Variants in FHL5 observed in about 807,000 individuals in gnomAD.
FHL5 encodes the protein four and a half LIM domains 5.
FHL5 carries 33 observed loss-of-function variants against 32.0 expected under a neutral mutation model. The observed-to-expected ratio is 1.03, with a 90% CI of 0.78 to 1.38. FHL5 has a LOEUF of 1.38. FHL5 is among the 40% of genes most tolerant of loss of function. The probability of loss-of-function intolerance (pLI) is 0.00; values close to 1 mark genes in which losing one functional copy is unlikely to be tolerated. For synonymous variants in FHL5, 114 were observed against 113.6 expected, an observed-to-expected ratio of 1.00 and a Z score of -0.02; for missense variants, 336 against 343.9, an observed-to-expected ratio of 0.98 and a Z score of 0.18.
At chr6:96,613,248 C>A (rs556397663) in intron 5 of FHL5, among the ~76,000 whole-genome samples, 1 of 152,144 alleles carries the variant, frequency 6.6e-6, no homozygotes, top group East Asian at 1.9e-4. Flanking sequence ...TAAGATTAAT[C>A]AATTATTTTT....
chr6:96,603,558 C>A (rs1771200412), intron 1 of FHL5, 44 bp from the exon 2 acceptor site: 2 of 1,421,498 alleles, frequency 1.4e-6, no homozygotes, highest in African/African-American at 1.4e-5. Flanking sequence ...ATCCTATAAA[C>A]AAAATTCTGC....
chr6:96,615,085 T>C (rs1214633275), intron 5 of FHL5, among the ~76,000 whole-genome samples: 1 of 152,166 alleles, frequency 6.6e-6, no homozygotes, highest in Non-Finnish European at 1.5e-5. Context: ...ATATTCTAAG[T>C]ACAACTAAGC....
intron 1 of FHL5, among the ~76,000 whole-genome samples, chr6:96,577,678 AAT>A (rs1770611233): frequency 6.6e-6 from 1 of 152,228 alleles, no homozygotes; most frequent in Non-Finnish European, 1.5e-5. Flanking sequence ...TTAGGCATGG[AAT>A]GAACCTCTCT....
intron 1 of FHL5, among the ~76,000 whole-genome samples, chr6:96,564,375 G>C (rs1445347336): frequency 6.6e-6 from 1 of 152,062 alleles, no homozygotes; most frequent in African/African-American, 2.4e-5. Flanking sequence ...AATCCAAATT[G>C]CTTTAAGGGG....
intron 3 of FHL5, among the ~76,000 whole-genome samples, chr6:96,605,691 G>T (rs1227826673): frequency 6.6e-6 from 1 of 152,076 alleles, no homozygotes. Context: ...GTCTAAGAGT[G>T]ATTCTCCATC....
chr6:96,591,934 G>T (rs553389712), intron 1 of FHL5, among the ~76,000 whole-genome samples: 1 of 152,136 alleles, frequency 6.6e-6, no homozygotes, highest in Non-Finnish European at 1.5e-5. Flanking sequence ...AATGGGGAGG[G>T]AGTGTACGAA....
chr6:96,588,429 T>G (rs1046777787), intron 1 of FHL5, among the ~76,000 whole-genome samples: 1 of 152,170 alleles, frequency 6.6e-6, no homozygotes, highest in Admixed American at 6.6e-5. Flanking sequence ...AGGCTGGTCC[T>G]GACCTCAGGT....
intron 1 of FHL5, among the ~76,000 whole-genome samples, chr6:96,585,240 G>C (rs1356884540): frequency 6.6e-6 from 1 of 152,086 alleles, no homozygotes; most frequent in Non-Finnish European, 1.5e-5. Flanking sequence ...CTTCCCAAGA[G>C]CATTTTAATA....
At chr6:96,602,776 T>C (rs1771182356) in intron 1 of FHL5, among the ~76,000 whole-genome samples, 1 of 152,226 alleles carries the variant, frequency 6.6e-6, no homozygotes, top group Non-Finnish European at 1.5e-5. Flanking sequence ...TTATGCTCTA[T>C]ACATGTTACT....
At chr6:96,574,645 C>T (rs745655754) in intron 1 of FHL5, among the ~76,000 whole-genome samples, 1 of 152,126 alleles carries the variant, frequency 6.6e-6, no homozygotes, top group African/African-American at 2.4e-5. Context: ...CCTGCCTTCC[C>T]AGGGTTTGAG....
chr6:96,563,846 G>A (rs1770297671), intron 1 of FHL5, among the ~76,000 whole-genome samples: 1 of 152,088 alleles, frequency 6.6e-6, no homozygotes, highest in Non-Finnish European at 1.5e-5. Flanking sequence ...CTATTTTCAA[G>A]AAAAATCTGC....
intron 1 of FHL5, among the ~76,000 whole-genome samples, chr6:96,597,385 G>A (rs1015999151): frequency 1.3e-5 from 2 of 151,820 alleles, no homozygotes; most frequent in African/African-American, 2.4e-5. Context: ...ATCACATTTT[G>A]TACAGAAGGC....
At chr6:96,606,750 C>G (rs1008071328) in intron 4 of FHL5, among the ~76,000 whole-genome samples, 14 of 152,156 alleles carry the variant, frequency 9.2e-5, no homozygotes, top group African/African-American at 3.4e-4. Flanking sequence ...TTGATCTATT[C>G]AGTATTAACT....
chr6:96,578,194 C>G (rs201303854), intron 1 of FHL5, among the ~76,000 whole-genome samples: 1 of 152,106 alleles, frequency 6.6e-6, no homozygotes, highest in South Asian at 2.1e-4. Context: ...TCCTACAATT[C>G]TCCTCTCTGC....
At chr6:96,601,425 G>T (rs1168900702) in intron 1 of FHL5, among the ~76,000 whole-genome samples, 1 of 152,178 alleles carries the variant, frequency 6.6e-6, no homozygotes, top group Non-Finnish European at 1.5e-5. Flanking sequence ...TTAGGACTGG[G>T]GTGGGAGAAG....
chr6:96,606,775 T>C (rs572063387), intron 4 of FHL5, among the ~76,000 whole-genome samples: 2 of 152,356 alleles, frequency 1.3e-5, no homozygotes, highest in South Asian at 2.1e-4. Context: ...CAGAGAAATA[T>C]GGATTTGCCT....
At chr6:96,565,942 A>G (rs970166296) in intron 1 of FHL5, among the ~76,000 whole-genome samples, 3 of 152,048 alleles carry the variant, frequency 2.0e-5, no homozygotes, top group African/African-American at 4.8e-5. Flanking sequence ...TGTATATGAC[A>G]AATTATCAAA....
intron 4 of FHL5, 73 bp from the exon 5 acceptor site, chr6:96,610,499 C>G (rs557597595): frequency 9.0e-7 from 1 of 1,110,402 alleles, no homozygotes; most frequent in East Asian, 2.4e-5. Context: ...ATACTAGGAT[C>G]TCAAAAGAAT....
chr6:96,571,768 A>G (rs1232904054), intron 1 of FHL5, among the ~76,000 whole-genome samples: 2 of 152,152 alleles, frequency 1.3e-5, no homozygotes, highest in Non-Finnish European at 2.9e-5. Context: ...TATGGCTGCA[A>G]TTCAGAAACC....
Sources: allele counts gnomAD v4.1 joint callset (sites outside exome capture counted in the v4.1 genomes callset), GRCh38; gene constraint gnomAD v4.1.1; transcripts MANE v1.5; gene names NCBI Gene and HGNC (gene_info 2026-07-23, HGNC 2026-07-21).